DNAL4: variants seen among roughly 807,000 people sequenced by gnomAD.
The protein encoded by DNAL4 is dynein light chain, outer arm 4.
DNAL4 carries 10 observed loss-of-function variants against 12.6 expected under a neutral mutation model. That is an observed-to-expected ratio of 0.79 (90% confidence interval 0.49 to 1.34). The LOEUF is 1.34. Ranked by LOEUF, DNAL4 falls within the 40% of genes most tolerant of loss-of-function variation. The probability of loss-of-function intolerance (pLI) is 0.00; values close to 1 mark genes in which losing one functional copy is unlikely to be tolerated. For synonymous variants in DNAL4, 46 were observed against 53.1 expected (o/e 0.87, Z 0.58); for missense variants, 128 against 138.1 (o/e 0.93, Z 0.37).
At chr22:38,790,422 G>A (rs981131474) in intron 1 of DNAL4, among the ~76,000 whole-genome samples, 2 of 152,244 alleles carry the variant, frequency 1.3e-5, no homozygotes, top group Non-Finnish European at 2.9e-5. Context: ...GCATGGTGGA[G>A]TGAGGAATGA....
chr22:38,779,293 TCA>T lies in DNAL4; in HGVS notation c.*154_*155del. 1.0e-6 allele frequency: 1 copy of T among 995,976 alleles called. No homozygotes were observed. 61.7% of individuals were successfully genotyped at this position (995,976 alleles called of 1,614,324 possible). ...GAGCCTGGGGATGGAGATGTCAAGT[TCA>T]CACACTGGGCGTGGCTCAGGAAACT... On this transcript the variant is annotated 3_prime_UTR_variant, in exon 4 of 4. Transcript: ENST00000216068. This position sits in a 1 kb window ranked among gnomAD's most constrained non-coding sequence, Gnocchi z 4.3.
chr22:38,791,597 G>C (rs1281005347), intron 1 of DNAL4, among the ~76,000 whole-genome samples: 1 of 152,066 alleles, frequency 6.6e-6, no homozygotes, highest in Non-Finnish European at 1.5e-5. Flanking sequence ...TCTCCATGTT[G>C]ATCAGGCTGG....
chr22:38,789,598 C>T (rs773429817), intron 1 of DNAL4, among the ~76,000 whole-genome samples: 3 of 151,972 alleles, frequency 2.0e-5, no homozygotes, highest in South Asian at 2.1e-4. Flanking sequence ...TTCAACTACT[C>T]GACTATAATC....
At chr22:38,785,188 T>C (rs1480808275) in intron 1 of DNAL4, 3 of 152,240 alleles carry the variant, frequency 2.0e-5, no homozygotes, top group Non-Finnish European at 4.4e-5. Context: ...ATTTTGTCTT[T>C]GCTCATGAAT....
chr22:38,784,014 A>G (rs925517967), intron 1 of DNAL4, among the ~76,000 whole-genome samples: 1 of 151,856 alleles, frequency 6.6e-6, no homozygotes. Context: ...GATACAAATC[A>G]CCAGGTTGTT....
intron 1 of DNAL4, among the ~76,000 whole-genome samples, chr22:38,787,324 C>T (rs534201111): frequency 2.6e-5 from 4 of 151,812 alleles, no homozygotes; most frequent in Non-Finnish European, 4.4e-5. Flanking sequence ...TCACTGCAAC[C>T]TCCGCCTCCC....
In DNAL4 at chr22:38,784,141, G is replaced by A. The variant is rs748947996; in HGVS notation, c.-139-1271C>T. ...CACAGTCATGGAACCCAAAGGTGCCGAGCACGGTAACTAACAGGCAGGTGA... is the reference window on the plus strand; with the variant it reads ...CACAGTCATGGAACCCAAAGGTGCCAAGCACGGTAACTAACAGGCAGGTGA... On this transcript the variant is annotated intron_variant, in intron 1 of 3. Coordinates refer to ENST00000216068, the MANE Select transcript of DNAL4 (RefSeq NM_005740.3). Among the ~76,000 whole-genome samples the A allele has an allele frequency of 1.2e-4, 19 of 152,230 alleles. 1 individual carries two copies. In the Middle Eastern group the frequency reaches 0.01, roughly 82 times the overall value.
chr22:38,792,405 C>T (rs1206184573), intron 1 of DNAL4, among the ~76,000 whole-genome samples: 3 of 152,088 alleles, frequency 2.0e-5, no homozygotes, highest in African/African-American at 4.8e-5. Flanking sequence ...GTCTCAGCCT[C>T]CTGAGTAGCT....
Position 38,778,881 on chromosome 22 carries a change from C to T in DNAL4, c.*568G>A. 1 of 152,676 alleles carries T rather than the reference C, an allele frequency of 6.5e-6. No homozygotes were observed. The highest frequency in any genetic ancestry group is 1.5e-5 in the Non-Finnish European group (1 of 68,338). 9.5% of individuals were successfully genotyped at this position (152,676 alleles called of 1,614,324 possible). A position where few individuals can be genotyped will look rare whatever the true frequency, so the allele number is the denominator to read the frequency against. On this transcript the variant is annotated 3_prime_UTR_variant, in exon 4 of 4. Coordinates refer to ENST00000216068, the MANE Select transcript of DNAL4 (RefSeq NM_005740.3). ...CCAAGGCTGGGGGCTGGGGGGGCTGCTGGCCCAGTGAGATGCAGTGGTCTG... is the reference window on the plus strand; with the variant it reads ...CCAAGGCTGGGGGCTGGGGGGGCTGTTGGCCCAGTGAGATGCAGTGGTCTG...
intron 1 of DNAL4, among the ~76,000 whole-genome samples, chr22:38,792,937 A>G (rs2093053259): frequency 6.6e-6 from 1 of 152,220 alleles, no homozygotes; most frequent in South Asian, 2.1e-4. Flanking sequence ...GATGTCCTGT[A>G]CACAATTGTA....
chr22:38,786,677 G>C (rs907802648), intron 1 of DNAL4, among the ~76,000 whole-genome samples: 7 of 152,214 alleles, frequency 4.6e-5, no homozygotes, highest in African/African-American at 1.7e-4. Context: ...TGCAAAGCCA[G>C]GGGCAGCCTT....
At chr22:38,787,286 G>C (rs1443177877) in intron 1 of DNAL4, among the ~76,000 whole-genome samples, 3 of 150,472 alleles carry the variant, frequency 2.0e-5, no homozygotes, top group African/African-American at 7.4e-5. Flanking sequence ...TTGTTGCACA[G>C]GCTGGAGTGT....
chr22:38,785,449 C>G (rs187842236), intron 1 of DNAL4: 1 of 152,298 alleles, frequency 6.6e-6, no homozygotes, highest in Non-Finnish European at 1.5e-5. Context: ...CATGTAGGAG[C>G]CAGGAGGGAA....
intron 1 of DNAL4, among the ~76,000 whole-genome samples, chr22:38,786,824 G>C (rs970217435): frequency 1.3e-5 from 2 of 152,164 alleles, no homozygotes; most frequent in African/African-American, 4.8e-5. Flanking sequence ...CTCATTGCCT[G>C]GTCAAGGCCA....
chr22:38,793,176 C>T (rs1168979105), intron 1 of DNAL4, among the ~76,000 whole-genome samples: 1 of 152,186 alleles, frequency 6.6e-6, no homozygotes, highest in Non-Finnish European at 1.5e-5. Flanking sequence ...TCTGTCCCCT[C>T]CCCACCCCTA....
intron 1 of DNAL4, chr22:38,786,006 G>A (rs1741815644): frequency 6.6e-6 from 1 of 152,196 alleles, no homozygotes; most frequent in South Asian, 2.1e-4. Flanking sequence ...ACCTAAAAGA[G>A]ATGAGACAGA....
chr22:38,787,986 G>A (rs972346209), intron 1 of DNAL4, among the ~76,000 whole-genome samples: 1 of 152,142 alleles, frequency 6.6e-6, no homozygotes, highest in African/African-American at 2.4e-5. Flanking sequence ...TTTCTCCTTT[G>A]GCACAAGCAA....
chr22:38,781,158 G>A (rs2093033725), intron 2 of DNAL4, 149 bp from the exon 3 acceptor site: 5 of 783,970 alleles, frequency 6.4e-6, no homozygotes, highest in Middle Eastern at 6.8e-4. Flanking sequence ...TCCTGACTGA[G>A]GGCCTGCAGC....
At chr22:38,786,512 T>C (rs1254520677) in intron 1 of DNAL4, among the ~76,000 whole-genome samples, 1 of 152,080 alleles carries the variant, frequency 6.6e-6, no homozygotes, top group Non-Finnish European at 1.5e-5. Context: ...TGAGCCAAGA[T>C]CACACCATTG....
Sources: allele counts gnomAD v4.1 joint callset (sites outside exome capture counted in the v4.1 genomes callset), GRCh38; gene constraint gnomAD v4.1.1; non-coding constraint Gnocchi (gnomAD v3.1); transcripts MANE v1.5; gene names NCBI Gene and HGNC (gene_info 2026-07-23, HGNC 2026-07-21).